Variants in BCL9 observed in about 807,000 individuals in gnomAD.
The protein encoded by BCL9 is B-cell CLL/lymphoma 9 protein.
A neutral mutation model predicts 88.5 loss-of-function variants in BCL9; 25 were observed. The observed-to-expected ratio is 0.28, with a 90% CI of 0.21 to 0.39. The LOEUF (loss-of-function observed/expected upper bound fraction) is 0.39. Ranked by LOEUF, BCL9 falls within the 10% of genes least tolerant of loss-of-function variation. The probability of loss-of-function intolerance (pLI) is 1.00; values close to 1 mark genes in which losing one functional copy is unlikely to be tolerated. For synonymous variants in BCL9, 711 were observed against 673.3 expected (o/e 1.06, Z -0.87); for missense variants, 1,817 against 1,877.8 (o/e 0.97, Z 0.60).
intron 1 of BCL9, among the ~76,000 whole-genome samples, chr1:147,573,440 T>C (rs1655971775): frequency 6.6e-6 from 1 of 150,430 alleles, no homozygotes; most frequent in African/African-American, 2.4e-5. Context: ...GCAACAGGAG[T>C]GAAACTCTGT....
rs7548523 is a variant in BCL9 at position 147,618,207 on chromosome 1, C to T, written c.661-609C>T. Among the ~76,000 whole-genome samples, 186 of 152,142 alleles carry T rather than the reference C, an allele frequency of 1.2e-3. 2 individuals are homozygous for T. The highest frequency in any genetic ancestry group is 3.4e-3 in the African/African-American group (139 of 41,468). Reference sequence around the variant, plus strand: ...GGAATCAGTGATCACCAACCAAAAACGGAAACCAGAGATGTCAGGCCTCCT... The same window carrying T: ...GGAATCAGTGATCACCAACCAAAAATGGAAACCAGAGATGTCAGGCCTCCT... On this transcript the variant is annotated intron_variant, in intron 7 of 9. Coordinates refer to ENST00000234739, the MANE Select transcript of BCL9 (RefSeq NM_004326.4).
At position 147,614,537 on chromosome 1, in the gene BCL9, A is replaced by C; in HGVS notation, c.481A>C (p.Thr161Pro). Residue 161 changes from threonine (T) to proline (P), a missense_variant, in exon 6 of 10, where the codon ACT (threonine) becomes CCT (proline). Coordinates refer to ENST00000234739, the MANE Select transcript of BCL9 (RefSeq NM_004326.4). ...GTCTTCTACCCCCTCCCATGGCCAA[A>C]CTACTGCCACAGAGCCCACACCTGC... The part of the protein sequence containing the change: ...PRSSTPSHGQ[T>P]TATEPTPAQK... The C allele has an allele frequency of 6.2e-7, 1 of 1,613,936 alleles. No homozygotes were observed. The highest frequency in any genetic ancestry group is 8.5e-7 in the Non-Finnish European group (1 of 1,179,966).
At chr1:147,608,557 T>C (rs1237105989) in intron 3 of BCL9, among the ~76,000 whole-genome samples, 2 of 151,932 alleles carry the variant, frequency 1.3e-5, no homozygotes, top group African/African-American at 4.8e-5. Flanking sequence ...TTGATGAAAA[T>C]TGGTTTGTGT....
rs1658010361 is a variant in BCL9 at position 147,611,700 on chromosome 1, C to T, written c.-137C>T. 4.0e-6 allele frequency: 3 copies of T among 743,762 alleles called. No homozygotes were observed. The highest frequency in any genetic ancestry group is 7.0e-6 in the Non-Finnish European group (3 of 431,244). The allele number at this position is 743,762 out of a possible 1,614,324, so 46.1% of individuals were successfully genotyped here. On this transcript the variant is annotated 5_prime_UTR_variant, in exon 4 of 10. Coordinates refer to ENST00000234739, the MANE Select transcript of BCL9 (RefSeq NM_004326.4). Reference sequence around the variant, plus strand: ...GAAAAACAAAGAGGAAAAAGGCATACAGGCAGCGAGCGCTAAGGGACGCAC... The same window carrying T: ...GAAAAACAAAGAGGAAAAAGGCATATAGGCAGCGAGCGCTAAGGGACGCAC...
At chr1:147,621,182 A>G in intron 8 of BCL9, 125 bp downstream of exon 8, 1 of 1,114,582 alleles carries the variant, frequency 9.0e-7, no homozygotes, top group Non-Finnish European at 1.3e-6. Flanking sequence ...TGAAATGGCC[A>G]TATTTGTGGC....
rs1553205537 is a variant in BCL9 at position 147,622,315 on chromosome 1, A to G, written c.2947A>G (p.Ile983Val). The change falls in exon 9 of 10, where the codon ATC (isoleucine) becomes GTC (valine). Residue 983 changes from isoleucine (I) to valine (V), a missense_variant. Physicochemically the swap from Ile to Val is conservative, Grantham distance 29 (BLOSUM62 3). This residue lies in a region of BCL9 where 589 missense variants were observed against 686.2 expected (regional missense o/e 0.86). Coordinates refer to ENST00000234739, the MANE Select transcript of BCL9 (RefSeq NM_004326.4). ...AGCCAGCCAGCCTGCCTCTGTGAAT[A>G]TCCCTGGAAGTCTTCCCTCTAGTAC... ...PTASQPASVN[I>V]PGSLPSSTPY... 1 of 1,614,154 alleles carries G rather than the reference A, an allele frequency of 6.2e-7. No individual in the cohort carries two copies. The highest frequency in any genetic ancestry group is 1.7e-5 in the Admixed American group (1 of 60,024).
At chr1:147,591,654 T>G (rs1330045660) in intron 1 of BCL9, among the ~76,000 whole-genome samples, 1 of 152,220 alleles carries the variant, frequency 6.6e-6, no homozygotes, top group African/African-American at 2.4e-5. Context: ...TCTGATTCAC[T>G]GCCCACACAT....
At chr1:147,580,626 C>T (rs2101548832) in intron 1 of BCL9, among the ~76,000 whole-genome samples, 1 of 152,276 alleles carries the variant, frequency 6.6e-6, no homozygotes, top group East Asian at 1.9e-4. Flanking sequence ...ACATGCTTCT[C>T]TTATTGTAAA....
Position 147,620,886 on chromosome 1 carries a change from T to A in BCL9, c.2731T>A (p.Leu911Met). ...TGCTTCCATTAAGTCCCCCCCTGTTTTGGGGTCTGCTGCTGCTTCACCTGT... is the reference window on the plus strand; with the variant it reads ...TGCTTCCATTAAGTCCCCCCCTGTTATGGGGTCTGCTGCTGCTTCACCTGT... ...AAASIKSPPV[L>M]GSAAASPVHL... The change falls in exon 8 of 10, where the codon TTG becomes ATG. Residue 911 changes from leucine to methionine, a missense_variant. By Grantham distance (15) the Leu-to-Met change is conservative. Transcript: ENST00000234739. 6.2e-7 allele frequency: 1 copy of A among 1,614,078 alleles called. No homozygotes were observed. Among genetic ancestry groups the A allele is most frequent in the Non-Finnish European group, 8.5e-7 (1 of 1,180,004 alleles).
chr1:147,600,646 C>T (rs1400919027), intron 1 of BCL9, among the ~76,000 whole-genome samples: 1 of 151,850 alleles, frequency 6.6e-6, no homozygotes, highest in Non-Finnish European at 1.5e-5. Flanking sequence ...TGAGGACAGT[C>T]CCAGGGTCCT....
chr1:147,547,838 G>C (rs1196699021), intron 1 of BCL9, among the ~76,000 whole-genome samples: 1 of 152,170 alleles, frequency 6.6e-6, no homozygotes, highest in Non-Finnish European at 1.5e-5. Flanking sequence ...GAAGCGTTTG[G>C]TTACCGATGA....
At chr1:147,587,024 T>TCTC (rs1656637392) in intron 1 of BCL9, among the ~76,000 whole-genome samples, 7 of 147,782 alleles carry the variant, frequency 4.7e-5, no homozygotes, top group Non-Finnish European at 9.0e-5. Context: ...TTCTCTCTCT[T>TCTC]TCTCTCTCTC....
At chr1:147,613,680 G>A (rs1658127700) in intron 5 of BCL9, among the ~76,000 whole-genome samples, 1 of 152,140 alleles carries the variant, frequency 6.6e-6, no homozygotes, top group Non-Finnish European at 1.5e-5. Context: ...AATGGCCCTG[G>A]CAGTAGTCCA....
At chr1:147,578,759 T>A (rs185569521) in intron 1 of BCL9, among the ~76,000 whole-genome samples, 1 of 152,364 alleles carries the variant, frequency 6.6e-6, no homozygotes, top group Non-Finnish European at 1.5e-5. Flanking sequence ...ATGGTTTGTG[T>A]CATATTAACT....
chr1:147,549,272 C>T (rs1037516499), intron 1 of BCL9, among the ~76,000 whole-genome samples: 3 of 152,094 alleles, frequency 2.0e-5, no homozygotes, highest in South Asian at 4.1e-4. Flanking sequence ...CCACTGCACT[C>T]GGCCTCCTCT....
rs371645881 is a variant in BCL9 at position 147,624,391 on chromosome 1, G to A, written c.3713G>A (p.Arg1238His). ...GGAATACCTGAGTTTGATCTATCCCGCATTATTCCATCTGAGAAGCCCAGC... is the reference window on the plus strand; with the variant it reads ...GGAATACCTGAGTTTGATCTATCCCACATTATTCCATCTGAGAAGCCCAGC... ...ATGIPEFDLS[R>H]IIPSEKPSQT... is the part of the protein sequence containing the mutation. The change falls in exon 10 of 10, where the codon CGC (arginine) becomes CAC (histidine). Residue 1238 changes from arginine to histidine, a missense_variant. Physicochemically the swap from Arg to His is conservative, Grantham distance 29. Coordinates refer to ENST00000234739, the MANE Select transcript of BCL9 (RefSeq NM_004326.4). This position sits in a 1 kb window ranked among gnomAD's most constrained non-coding sequence, Gnocchi z 4.4. 8.7e-5 allele frequency: 140 copies of A among 1,614,024 alleles called. No homozygotes were observed. The highest frequency in any genetic ancestry group is 1.7e-4 in the Admixed American group (10 of 60,008).
At chr1:147,573,137 T>C (rs1271668275) in intron 1 of BCL9, among the ~76,000 whole-genome samples, 2 of 152,156 alleles carry the variant, frequency 1.3e-5, no homozygotes, top group African/African-American at 4.8e-5. Flanking sequence ...AAAGACTTAA[T>C]AATTGATGAA....
At chr1:147,553,521 T>C (rs1488129156) in intron 1 of BCL9, among the ~76,000 whole-genome samples, 1 of 152,210 alleles carries the variant, frequency 6.6e-6, no homozygotes, top group Non-Finnish European at 1.5e-5. Flanking sequence ...TTAGGTCCTG[T>C]TCACCTCTGC....
chr1:147,611,123 G>C (rs906031475), intron 3 of BCL9, among the ~76,000 whole-genome samples: 1 of 152,104 alleles, frequency 6.6e-6, no homozygotes, highest in Non-Finnish European at 1.5e-5. Flanking sequence ...TTTGAAATTG[G>C]GGGGGTTGTT....
Sources: gnomAD v4.1 joint callset for allele counts (sites outside exome capture counted in the v4.1 genomes callset) on GRCh38, gnomAD v4.1.1 for gene constraint, gnomAD v4.1.1 regional missense constraint, Gnocchi (gnomAD v3.1) non-coding constraint, MANE v1.5 for transcripts, NCBI Gene and HGNC (gene_info 2026-07-23, HGNC 2026-07-21) for gene names.